Variants in ZNF433 observed in about 807,000 individuals in gnomAD.
The protein encoded by ZNF433 is zinc finger protein 433.
Under a neutral mutation model 10.6 loss-of-function variants are expected in ZNF433, and 12 were observed. That is an observed-to-expected ratio of 1.13 (90% CI 0.72 to 1.83). ZNF433 has a LOEUF of 1.83. Among genes scored for constraint, ZNF433 ranks in the 40% most tolerant of loss-of-function variants. The probability of loss-of-function intolerance (pLI) is 0.00; values close to 1 mark genes in which losing one functional copy is unlikely to be tolerated. For missense variants in ZNF433, 737 were observed against 798.0 expected (o/e 0.92, Z 0.92); for synonymous variants, 272 against 271.3 (o/e 1.00, Z -0.02).
chr19:12,017,039 G>C (rs767577646), intron 3 of ZNF433, among the ~76,000 whole-genome samples: 8 of 152,028 alleles, frequency 5.3e-5, no homozygotes, highest in Non-Finnish European at 1.5e-5. Flanking sequence ...ACTGTGCCTG[G>C]CCTGCACTTC....
At chr19:12,020,855 C>G (rs182188) in intron 1 of ZNF433, among the ~76,000 whole-genome samples, 23,662 of 149,940 alleles carry the variant, frequency 0.16, 4,429 homozygotes, top group African/African-American at 0.46. Context: ...TGTGAGCCGA[C>G]ATTGCGCCAT....
intron 1 of ZNF433, among the ~76,000 whole-genome samples, chr19:12,032,229 C>T (rs958065862): frequency 2.7e-4 from 41 of 152,174 alleles, no homozygotes; most frequent in Admixed American, 2.4e-3. Context: ...TGAGCCACCA[C>T]GCCTGGCCAG....
At position 12,017,796 on chromosome 19, in the gene ZNF433, T is replaced by C. The variant is rs573600746; in HGVS notation, c.191+80A>G. 121 of 918,048 alleles carry C rather than the reference T, an allele frequency of 1.3e-4. No individual in the cohort carries two copies. The African/African-American group carries it at 2.3e-3, about 17-fold the overall frequency. 56.9% of individuals were successfully genotyped at this position (918,048 alleles called of 1,614,324 possible). A position where few individuals can be genotyped will look rare whatever the true frequency, so the allele number is the denominator to read the frequency against. ...TGAAATTGTGCTTATTTCTTTTGTT[T>C]CCTTTTTTTTTTTTTAACATTTTCT... is the stretch of plus-strand genomic sequence containing the variant. On this transcript the variant is annotated intron_variant, in intron 3 of 3. Transcript: ENST00000550507.
chr19:12,022,100 A>G (rs1301833111), intron 1 of ZNF433: 4 of 436,576 alleles, frequency 9.2e-6, no homozygotes, highest in Admixed American at 2.4e-5. Context: ...CGTGATGGCC[A>G]TGACACCCAC....
rs1156769371 is a variant in ZNF433 at position 12,016,102 on chromosome 19, T to C, written c.756A>G (p.Lys252=). The change falls in exon 4 of 4, where the codon AAA becomes AAG. Residue 252 remains lysine (K), a synonymous_variant. Transcript: ENST00000550507. ...GGAATGCTTTCCCACATTCATTACATTTATAAGGCTTCTCCCCAGTGTGAG... is the reference window on the plus strand; with the variant it reads ...GGAATGCTTTCCCACATTCATTACACTTATAAGGCTTCTCCCCAGTGTGAG... The part of the protein sequence containing the change: ...ERTHTGEKPY[K]CNECGKAFHS... The C allele has an allele frequency of 2.5e-6, 4 of 1,614,118 alleles. No homozygotes were observed. Among genetic ancestry groups the C allele is most frequent in the Admixed American group, 3.3e-5 (2 of 60,022 alleles).
intron 1 of ZNF433, chr19:12,023,701 G>A (rs1974605908): frequency 1.3e-5 from 2 of 152,140 alleles, no homozygotes; most frequent in African/African-American, 4.8e-5. Flanking sequence ...AGCCCCTGAA[G>A]TATATCAAAG....
chr19:12,016,467 A>G lies in ZNF433; in HGVS notation c.391T>C (p.Tyr131His). The change falls in exon 4 of 4, where the codon TAT becomes CAT. Residue 131 changes from tyrosine to histidine, a missense_variant. Transcript: ENST00000550507. Reference protein sequence around the residue: ...RDDTGHKAYEYQEYGQKPYKC... With the variant: ...RDDTGHKAYEHQEYGQKPYKC... ...TATGGTTTCTGTCCATATTCTTGAT[A>G]CTCATATGCCTTGTGTCCAGTGTCA... 1 of 1,614,050 alleles carries G rather than the reference A, an allele frequency of 6.2e-7. No individual in the cohort carries two copies. Among genetic ancestry groups the G allele is most frequent in the Non-Finnish European group, 8.5e-7 (1 of 1,179,998 alleles).
Position 12,015,714 on chromosome 19 carries a change from C to G in ZNF433, c.1144G>C (p.Glu382Gln). 2 of 1,613,056 alleles carry G rather than the reference C, an allele frequency of 1.2e-6. No homozygotes were observed. The highest frequency in any genetic ancestry group is 1.7e-6 in the Non-Finnish European group (2 of 1,179,762). Residue 382 changes from glutamate to glutamine, a missense_variant, in exon 4 of 4, where the codon GAA becomes CAA. Physicochemically the swap from Glu to Gln is conservative, Grantham distance 29. Transcript: ENST00000550507. ...FYSPSSLQTH[E>Q]KTHTGEKPYK... is the part of the protein sequence containing the mutation. Reference sequence around the variant, plus strand: ...GGTTTCTCTCCAGTGTGAGTTTTTTCATGTGTTTGAAGTGAACTGGGAGAA... The same window carrying G: ...GGTTTCTCTCCAGTGTGAGTTTTTTGATGTGTTTGAAGTGAACTGGGAGAA...
intron 1 of ZNF433, 132 bp from the exon 2 acceptor site, chr19:12,018,424 C>T: frequency 1.9e-6 from 2 of 1,059,582 alleles, no homozygotes; most frequent in Non-Finnish European, 2.6e-6. Flanking sequence ...AGACCTCATA[C>T]TCTCTGTCTA....
chr19:12,026,437 A>G, intron 1 of ZNF433: 1 of 309,318 alleles, frequency 3.2e-6, no homozygotes, highest in Middle Eastern at 1.2e-3. Flanking sequence ...TGAGTAATTT[A>G]ATGATAGCTA....
Position 12,016,185 on chromosome 19 carries a change from A to G in ZNF433, c.673T>C (p.Cys225Arg), listed in dbSNP as rs371504563. The change falls in exon 4 of 4, where the codon TGT (cysteine) becomes CGT (arginine). Residue 225 changes from cysteine to arginine, a missense_variant. Cys to Arg is a radical substitution (Grantham distance 180). Coordinates refer to ENST00000550507, the MANE Select transcript of ZNF433 (RefSeq NM_001308348.2). Reference protein sequence around the residue: ...RTHTGEKPYQCKQCGKAFSHS... With the variant: ...RTHTGEKPYQRKQCGKAFSHS... The stretch of plus-strand genomic sequence containing the variant: ...CTAAAGGCTTTACCACACTGTTTAC[A>G]TTGATATGGTTTCTCTCCAGTGTGA... 27 of 1,614,094 alleles carry G rather than the reference A, an allele frequency of 1.7e-5. No homozygotes were observed. Among genetic ancestry groups the G allele is most frequent in the African/African-American group, 2.7e-5 (2 of 74,942 alleles).
At chr19:12,034,249 A>C (rs1975171648) in intron 1 of ZNF433, among the ~76,000 whole-genome samples, 1 of 152,228 alleles carries the variant, frequency 6.6e-6, no homozygotes, top group Non-Finnish European at 1.5e-5. Context: ...TTATACAACC[A>C]AAAATTTTCC....
intron 1 of ZNF433, chr19:12,034,986 TTTAAG>T (rs896957490): frequency 1.2e-5 from 5 of 416,018 alleles, no homozygotes; most frequent in Admixed American, 5.5e-5. Flanking sequence ...AATAAACTTC[TTTAAG>T]TTATTTTACA....
Position 12,015,379 on chromosome 19 carries a change from A to G in ZNF433, c.1479T>C (p.His493=), listed in dbSNP as rs1974118283. The part of the protein sequence containing the change: ...TFSLPSLFHR[H]ERTHTGGKTY... ...TTTTTCCTCCAGTGTGAGTCCTTTC[A>G]TGTCTATGAAATAAACTGGGCAAAC... The change falls in exon 4 of 4, where the codon CAT becomes CAC. Residue 493 remains histidine (H), a synonymous_variant. Coordinates refer to ENST00000550507, the MANE Select transcript of ZNF433 (RefSeq NM_001308348.2). The G allele has an allele frequency of 1.2e-6, 2 of 1,614,084 alleles. No homozygotes were observed. The highest frequency in any genetic ancestry group is 1.3e-5 in the African/African-American group (1 of 74,928).
chr19:12,026,377 G>C (rs899548200), intron 1 of ZNF433: 1 of 304,146 alleles, frequency 3.3e-6, no homozygotes, highest in Non-Finnish European at 6.4e-6. Context: ...TCAAGAAGCT[G>C]TCACAGATGG....
rs566242862 is a variant in ZNF433, at chr19:12,022,339, TATC to T, written c.4-4050_4-4048del. 552 of 238,634 alleles carry T rather than the reference TATC, an allele frequency of 2.3e-3. 1 individual carries two copies. Among genetic ancestry groups the T allele is most frequent in the African/African-American group, 0.011 (513 of 45,586 alleles). The allele number at this position is 238,634 out of a possible 1,614,324, so 14.8% of individuals were successfully genotyped here. On this transcript the variant is annotated intron_variant, in intron 1 of 3. Coordinates refer to ENST00000550507, the MANE Select transcript of ZNF433 (RefSeq NM_001308348.2). The stretch of plus-strand genomic sequence containing the variant: ...ATCTATAATCTACAGAAACAATGCT[TATC>T]ACTGGCTTGCTGTCAGTAAATATGT...
intron 1 of ZNF433, among the ~76,000 whole-genome samples, chr19:12,020,658 T>C (rs1197079909): frequency 6.6e-6 from 1 of 152,152 alleles, no homozygotes; most frequent in Non-Finnish European, 1.5e-5. Flanking sequence ...GGCTCACGCC[T>C]GTAATCCCAG....
At chr19:12,029,716 G>A (rs770511653) in intron 1 of ZNF433, among the ~76,000 whole-genome samples, 12 of 151,810 alleles carry the variant, frequency 7.9e-5, no homozygotes, top group Admixed American at 1.3e-4. Context: ...TAGATCCCTC[G>A]TGAATGGGAT....
intron 1 of ZNF433, chr19:12,034,974 TGAATAAACTTCTTTAA>T: frequency 2.3e-6 from 1 of 430,174 alleles, no homozygotes; most frequent in South Asian, 1.6e-5. Context: ...TATTCGGCTC[TGAATAAACTTCTTTAA>T]GTTATTTTAC....
Sources: allele counts gnomAD v4.1 joint callset (sites outside exome capture counted in the v4.1 genomes callset), GRCh38; gene constraint gnomAD v4.1.1; transcripts MANE v1.5; gene names NCBI Gene and HGNC (gene_info 2026-07-23, HGNC 2026-07-21).